The following SDK1 variants were observed in gnomAD, a reference collection of about 807,000 sequenced individuals.
SDK1 encodes protein sidekick-1.
A neutral mutation model predicts 245.5 loss-of-function variants in SDK1; 157 were observed. The ratio of observed to expected loss-of-function variants is 0.64; its 90% CI spans 0.56 to 0.73. The LOEUF is 0.73. Among genes scored for constraint, SDK1 ranks in the 30% least tolerant of loss-of-function variants. The probability of loss-of-function intolerance (pLI) is 0.00; values close to 1 mark genes in which losing one functional copy is unlikely to be tolerated. For synonymous variants in SDK1, 1,647 were observed against 1,278.5 expected (o/e 1.29, Z -6.15); for missense variants, 3,583 against 3,002.3 (o/e 1.19, Z -4.52).
In SDK1 at chr7:3,915,353, G is replaced by A. The variant is rs983416329; in HGVS notation, c.848-35570G>A. ...TGTGTCCCCACCCAAATCTCATCTT[G>A]AATTGTAGCTCCCATAATTCCCACG... On this transcript the variant is annotated intron_variant, in intron 5 of 44. Transcript: ENST00000404826. 2.6e-5 allele frequency among the ~76,000 whole-genome samples: 4 copies of A among 152,176 alleles called. No homozygotes were observed. The South Asian group carries it at 6.2e-4, about 24-fold the overall frequency.
chr7:3,359,924 C>T (rs1780907513), intron 1 of SDK1, among the ~76,000 whole-genome samples: 2 of 152,186 alleles, frequency 1.3e-5, no homozygotes, highest in African/African-American at 2.4e-5. Flanking sequence ...AATCTTGAGG[C>T]ATCCACCTTG....
At chr7:3,393,448 A>G (rs1379099151) in intron 1 of SDK1, among the ~76,000 whole-genome samples, 3 of 152,114 alleles carry the variant, frequency 2.0e-5, no homozygotes, top group Admixed American at 6.5e-5. Context: ...CCAACATGTT[A>G]TTTTTAATTT....
At chr7:3,912,266 T>G (rs886805776) in intron 5 of SDK1, among the ~76,000 whole-genome samples, 36 of 152,182 alleles carry the variant, frequency 2.4e-4, no homozygotes, top group African/African-American at 8.4e-4. Context: ...AGGAGGAGCT[T>G]TCTTTATTTA....
intron 1 of SDK1, among the ~76,000 whole-genome samples, chr7:3,390,497 T>C (rs916330276): frequency 1.3e-5 from 2 of 152,150 alleles, no homozygotes; most frequent in Admixed American, 6.5e-5. Flanking sequence ...AGAAAAGTTA[T>C]TTTCACCTAT....
At chr7:3,891,727 A>G (rs750943996) in intron 5 of SDK1, among the ~76,000 whole-genome samples, 2 of 152,178 alleles carry the variant, frequency 1.3e-5, no homozygotes, top group Non-Finnish European at 2.9e-5. Context: ...TAATCCAACT[A>G]AAGGTTTCGG....
At chr7:3,803,137 C>T (rs1045605888) in intron 4 of SDK1, among the ~76,000 whole-genome samples, 2 of 152,072 alleles carry the variant, frequency 1.3e-5, no homozygotes, top group African/African-American at 4.8e-5. Flanking sequence ...TTACATTAGC[C>T]ATTTTAATAG....
intron 42 of SDK1, among the ~76,000 whole-genome samples, chr7:4,239,505 A>T (rs1786388642): frequency 6.6e-6 from 1 of 152,238 alleles, no homozygotes; most frequent in Non-Finnish European, 1.5e-5. Flanking sequence ...GATAACCAGA[A>T]TGTAACTGAC....
chr7:4,182,395 C>G (rs1382145561), intron 35 of SDK1, among the ~76,000 whole-genome samples: 3 of 152,228 alleles, frequency 2.0e-5, no homozygotes, highest in Non-Finnish European at 4.4e-5. Context: ...CCAAACAGCT[C>G]CTTGCCCCAG....
At position 4,265,297 on chromosome 7, in the gene SDK1, C is replaced by A. The variant is rs148193946; in HGVS notation, c.6555C>A (p.Val2185=). Residue 2185 remains valine, a synonymous_variant, in exon 45 of 45, where the codon GTC becomes GTA. Transcript: ENST00000404826. ...GSEAGAQLHP[V]ITTQSAGGVY... ...AGGCGGGCGCGCAGCTGCACCCGGT[C>A]ATCACCACGCAGAGCGCGGGCGGCG... The A allele has an allele frequency of 6.3e-7, 1 of 1,576,294 alleles. No homozygotes were observed. Among genetic ancestry groups the A allele is most frequent in the Non-Finnish European group, 8.6e-7 (1 of 1,168,946 alleles).
chr7:3,600,554 T>TTG (rs1781222528), intron 1 of SDK1, among the ~76,000 whole-genome samples: 1 of 127,674 alleles, frequency 7.8e-6, no homozygotes, highest in South Asian at 3.1e-4. Context: ...AGATGTAGTT[T>TTG]TTTTTTTTTT....
At chr7:3,551,154 T>C (rs1190911061) in intron 1 of SDK1, among the ~76,000 whole-genome samples, 1 of 152,220 alleles carries the variant, frequency 6.6e-6, no homozygotes, top group Non-Finnish European at 1.5e-5. Context: ...AACCGTAGTT[T>C]GTCAGGAGTT....
At chr7:4,098,381 C>A (rs1782303879) in intron 22 of SDK1, among the ~76,000 whole-genome samples, 1 of 152,200 alleles carries the variant, frequency 6.6e-6, no homozygotes, top group Admixed American at 6.5e-5. Context: ...TTCCGAGGAC[C>A]ATTCCCTGCT....
chr7:3,932,299 C>A (rs563473867), intron 5 of SDK1, among the ~76,000 whole-genome samples: 27 of 152,276 alleles, frequency 1.8e-4, no homozygotes, highest in African/African-American at 6.0e-4. Flanking sequence ...ACACATACAG[C>A]CTCCGCCTGG....
At chr7:3,806,679 C>A (rs1466422386) in intron 4 of SDK1, among the ~76,000 whole-genome samples, 1 of 152,094 alleles carries the variant, frequency 6.6e-6, no homozygotes, top group Non-Finnish European at 1.5e-5. Flanking sequence ...AAATACATCA[C>A]AACCTATGAA....
At chr7:3,599,236 C>G (rs1027969418) in intron 1 of SDK1, among the ~76,000 whole-genome samples, 2 of 151,414 alleles carry the variant, frequency 1.3e-5, no homozygotes, top group African/African-American at 4.9e-5. Context: ...TATTGAACAT[C>G]TTTTCATGTG....
In SDK1 at chr7:3,446,456, C is replaced by A. The variant is rs142751901; in HGVS notation, c.298+144572C>A. Among the ~76,000 whole-genome samples the A allele has an allele frequency of 4.0e-3, 602 of 152,146 alleles. 6 individuals carry two copies. The highest frequency in any genetic ancestry group is 0.014 in the African/African-American group (563 of 41,518). On this transcript the variant is annotated intron_variant, in intron 1 of 44. Transcript: ENST00000404826. Reference sequence around the variant, plus strand: ...TAAGTTTTCTACCAGCATCTTACAGCAAAAATTACAATTTTTCTGCCAGTC... The same window carrying A: ...TAAGTTTTCTACCAGCATCTTACAGAAAAAATTACAATTTTTCTGCCAGTC...
intron 30 of SDK1, among the ~76,000 whole-genome samples, chr7:4,158,181 C>G (rs1351181715): frequency 6.6e-6 from 1 of 152,202 alleles, no homozygotes. Flanking sequence ...TCCTTTCTCC[C>G]TGAGGATTTC....
At chr7:3,989,732 G>A (rs769613490) in intron 14 of SDK1, among the ~76,000 whole-genome samples, 10 of 152,152 alleles carry the variant, frequency 6.6e-5, no homozygotes, top group Non-Finnish European at 1.5e-4. Flanking sequence ...GCTGATGTCA[G>A]CCTGTACACG....
intron 1 of SDK1, among the ~76,000 whole-genome samples, chr7:3,561,246 C>T (rs1301065083): frequency 6.6e-6 from 1 of 152,166 alleles, no homozygotes; most frequent in African/African-American, 2.4e-5. Flanking sequence ...TCTTCAAGGG[C>T]AGGGGGTTGA....
Sources: gnomAD v4.1 joint callset for allele counts (sites outside exome capture counted in the v4.1 genomes callset) on GRCh38, gnomAD v4.1.1 for gene constraint, MANE v1.5 for transcripts, NCBI Gene and HGNC (gene_info 2026-07-23, HGNC 2026-07-21) for gene names.